Variants in PLA2G4F observed in about 807,000 individuals in gnomAD.
The protein encoded by PLA2G4F is cytosolic phospholipase A2 zeta.
In PLA2G4F, 105 loss-of-function variants were observed where a neutral mutation model predicts 103.1. The observed-to-expected ratio is 1.02, with a 90% CI of 0.87 to 1.20. The LOEUF (loss-of-function observed/expected upper bound fraction) is 1.20, where lower values mean the gene tolerates loss of function less well. Ranked by LOEUF, PLA2G4F falls within the 50% of genes most tolerant of loss-of-function variation. The probability of loss-of-function intolerance (pLI) is 0.00; values close to 1 mark genes in which losing one functional copy is unlikely to be tolerated. For synonymous variants in PLA2G4F, 468 were observed against 441.1 expected (o/e 1.06, Z -0.76); for missense variants, 1,155 against 1,075.9 (o/e 1.07, Z -1.03).
intron 11 of PLA2G4F, 110 bp from the exon 12 acceptor site, chr15:42,147,872 T>G: frequency 2.1e-6 from 3 of 1,456,868 alleles, no homozygotes; most frequent in Admixed American, 2.1e-5. Flanking sequence ...ATTATCTCAT[T>G]GAATCCTCAC....
At chr15:42,149,054 C>A in intron 11 of PLA2G4F, 1 of 985,360 alleles carries the variant, frequency 1.0e-6, no homozygotes, top group South Asian at 4.7e-5. Context: ...TCTCTCAGCA[C>A]GCCTTTCCTC....
At chr15:42,155,050 A>G (rs953583730) in intron 2 of PLA2G4F, among the ~76,000 whole-genome samples, 3 of 151,862 alleles carry the variant, frequency 2.0e-5, no homozygotes. Flanking sequence ...ACTGGCACTC[A>G]CTGTCATGTA....
intron 19 of PLA2G4F, 101 bp from the exon 20 acceptor site, chr15:42,142,305 C>G: frequency 8.1e-7 from 1 of 1,238,814 alleles, no homozygotes; most frequent in South Asian, 1.5e-5. Context: ...CTGGCTGGCT[C>G]CCTGCGGGCC....
intron 18 of PLA2G4F, among the ~76,000 whole-genome samples, 193 bp from the exon 19 acceptor site, chr15:42,142,907 A>G (rs1360753111): frequency 6.6e-6 from 1 of 152,040 alleles, no homozygotes. Flanking sequence ...CCGGCCGGGC[A>G]TGGTGGCTCA....
Position 42,144,599 on chromosome 15 carries a change from G to C in PLA2G4F, c.1826C>G (p.Thr609Arg), listed in dbSNP as rs141500061. 6.2e-7 allele frequency: 1 copy of C among 1,611,914 alleles called. No homozygotes were observed. The change falls in exon 17 of 20, where the codon ACG becomes AGG. Residue 609 changes from threonine (T) to arginine (R), a missense_variant. This residue lies in a region of PLA2G4F where 782 missense variants were observed against 692.9 expected (regional missense o/e 1.13). Coordinates refer to ENST00000397272, the MANE Select transcript of PLA2G4F (RefSeq NM_213600.4). ...PQLHNPSRLR[T>R]RLLTPQGPFS... ...GGGCCCCTGTGGGGTGAGGAGCCTC[G>C]TTCGCAGCCTCGAGGGGTTGTGCAG...
intron 11 of PLA2G4F, chr15:42,148,841 C>T (rs527562661): frequency 3.5e-4 from 341 of 985,398 alleles, no homozygotes; most frequent in South Asian, 3.3e-3. Flanking sequence ...TGAAAAAATG[C>T]TCCCTGGCCA....
chr15:42,145,941 C>A, intron 14 of PLA2G4F, 38 bp from the exon 15 acceptor site: 1 of 1,608,626 alleles, frequency 6.2e-7, no homozygotes, highest in Non-Finnish European at 8.5e-7. Context: ...CCAGGGGCTT[C>A]CCACCACGGT....
chr15:42,145,617 G>A lies in PLA2G4F; in HGVS notation c.1738C>T (p.Leu580Phe). Residue 580 changes from leucine to phenylalanine, a missense_variant, in exon 16 of 20, where the codon CTC becomes TTC. Leu to Phe is a conservative substitution (Grantham distance 22). Transcript: ENST00000397272. ...CCTCTGTACCACTCCAGGAAGCTGAGGCCCGAGCCGGCGGTCTTTAGGAAG... is the reference window on the plus strand; with the variant it reads ...CCTCTGTACCACTCCAGGAAGCTGAAGCCCGAGCCGGCGGTCTTTAGGAAG... Reference protein sequence around the residue: ...EIFLKTAGSGLSFLEWYRGSV... With the variant: ...EIFLKTAGSGFSFLEWYRGSV... 1 of 1,614,132 alleles carries A rather than the reference G, an allele frequency of 6.2e-7. No homozygotes were observed. The highest frequency in any genetic ancestry group is 8.5e-7 in the Non-Finnish European group (1 of 1,180,024).
At chr15:42,144,235 CT>C (rs2048855990) in intron 17 of PLA2G4F, 91 bp from the exon 18 acceptor site, 1 of 1,467,552 alleles carries the variant, frequency 6.8e-7, no homozygotes, top group Non-Finnish European at 9.2e-7. Flanking sequence ...TGCCTTCTCT[CT>C]GTAGAGTTCT....
rs762569919 is a variant in PLA2G4F, at chr15:42,141,369, C to A, written c.*615G>T. The A allele has an allele frequency of 2.2e-6, 1 of 456,656 alleles. No individual in the cohort carries two copies. Among genetic ancestry groups the A allele is most frequent in the Admixed American group, 2.3e-5 (1 of 42,578 alleles). 28.3% of individuals were successfully genotyped at this position (456,656 alleles called of 1,614,324 possible). On this transcript the variant is annotated 3_prime_UTR_variant, in exon 20 of 20. Coordinates refer to ENST00000397272, the MANE Select transcript of PLA2G4F (RefSeq NM_213600.4). ...GGACATCACCCCACAGGCTTTAGGGCGCTGGGAAGAGAAGGGTGATCTGGG... is the reference window on the plus strand; with the variant it reads ...GGACATCACCCCACAGGCTTTAGGGAGCTGGGAAGAGAAGGGTGATCTGGG...
Position 42,139,931 on chromosome 15 carries a change from C to A in PLA2G4F, c.*2053G>T, listed in dbSNP as rs2048814333. 6.6e-6 allele frequency: 1 copy of A among 152,322 alleles called. No homozygotes were observed. Among genetic ancestry groups the A allele is most frequent in the African/African-American group, 2.4e-5 (1 of 41,472 alleles). The allele number at this position is 152,322 out of a possible 1,614,324, so 9.4% of individuals were successfully genotyped here. On this transcript the variant is annotated 3_prime_UTR_variant, in exon 20 of 20. Coordinates refer to ENST00000397272, the MANE Select transcript of PLA2G4F (RefSeq NM_213600.4). ...TGCACAAGCCCACGTTTGCCTCCTTCACAAGCCTTGCTGGCCTGCGGGGAC... is the reference window on the plus strand; with the variant it reads ...TGCACAAGCCCACGTTTGCCTCCTTAACAAGCCTTGCTGGCCTGCGGGGAC...
intron 5 of PLA2G4F, 138 bp downstream of exon 5, chr15:42,153,482 G>T (rs2048980269): frequency 2.7e-6 from 4 of 1,457,898 alleles, no homozygotes; most frequent in Non-Finnish European, 1.9e-6. Context: ...CGCCCAACAT[G>T]CAGATGGGTG....
In PLA2G4F at chr15:42,146,299, G is replaced by A. The variant is rs369832096; in HGVS notation, c.1420-58C>T. 5.2e-5 allele frequency: 78 copies of A among 1,510,844 alleles called. 1 individual carries two copies. Among genetic ancestry groups the A allele is most frequent in the Middle Eastern group, 3.4e-4 (2 of 5,818 alleles). 93.6% of individuals were successfully genotyped at this position (1,510,844 alleles called of 1,614,324 possible). On this transcript the variant is annotated intron_variant, in intron 13 of 19. Transcript: ENST00000397272. Reference sequence around the variant, plus strand: ...TTCAGGAGTTCCATTCCCCATCCCCGTGGCCTGGGGCCGGCACCCTGCAAG... The same window carrying A: ...TTCAGGAGTTCCATTCCCCATCCCCATGGCCTGGGGCCGGCACCCTGCAAG...
chr15:42,156,199 C>T (rs150369359), intron 1 of PLA2G4F, among the ~76,000 whole-genome samples: 13 of 152,312 alleles, frequency 8.5e-5, no homozygotes, highest in Non-Finnish European at 1.6e-4. Flanking sequence ...GCTCGCGCAT[C>T]CTTGGTGAAA....
At chr15:42,146,408 C>T (rs2048885720) in intron 13 of PLA2G4F, among the ~76,000 whole-genome samples, 167 bp from the exon 14 acceptor site, 1 of 152,216 alleles carries the variant, frequency 6.6e-6, no homozygotes, top group South Asian at 2.1e-4. Context: ...CTTCAGGCCG[C>T]AGCCAAGGGG....
rs1202302472 is a variant in PLA2G4F, at chr15:42,142,145, C to T, written c.2389G>A (p.Asp797Asn). 1.9e-6 allele frequency: 3 copies of T among 1,614,074 alleles called. No homozygotes were observed. The highest frequency in any genetic ancestry group is 2.7e-5 in the African/African-American group (2 of 74,924). ...AAGTTCATCATGCCATAGGGGGTGTCTGGCCTGTTGATGACAAAGTCCCCA... is the reference window on the plus strand; with the variant it reads ...AAGTTCATCATGCCATAGGGGGTGTTTGGCCTGTTGATGACAAAGTCCCCA... ...AFGDFVINRP[D>N]TPYGMMNFTY... The change falls in exon 20 of 20, where the codon GAC (aspartate) becomes AAC (asparagine). Residue 797 changes from aspartate (D) to asparagine (N), a missense_variant. By Grantham distance (23) the Asp-to-Asn change is conservative. Coordinates refer to ENST00000397272, the MANE Select transcript of PLA2G4F (RefSeq NM_213600.4).
chr15:42,143,450 G>A (rs1428248540), intron 18 of PLA2G4F, among the ~76,000 whole-genome samples: 1 of 152,132 alleles, frequency 6.6e-6, no homozygotes, highest in Non-Finnish European at 1.5e-5. Flanking sequence ...GGCTCTCACT[G>A]GACCCAGGAC....
chr15:42,149,016 A>C, intron 11 of PLA2G4F: 1 of 985,356 alleles, frequency 1.0e-6, no homozygotes. Flanking sequence ...GGAAGCCGGC[A>C]GCCTATTCCT....
In PLA2G4F at chr15:42,144,601, TCG is replaced by T; in HGVS notation, c.1822_1823del (p.Arg608AsnfsTer29). The T allele has an allele frequency of 1.2e-6, 2 of 1,611,508 alleles. No individual in the cohort carries two copies. The highest frequency in any genetic ancestry group is 1.7e-6 in the Non-Finnish European group (2 of 1,178,518). ...GCCCCTGTGGGGTGAGGAGCCTCGTTCGCAGCCTCGAGGGGTTGTGCAGCTGA... is the reference window on the plus strand; with the variant it reads ...GCCCCTGTGGGGTGAGGAGCCTCGTTCAGCCTCGAGGGGTTGTGCAGCTGA... Reference protein sequence around the residue: ...KPQLHNPSRLRTRLLTPQGPF... With the variant: ...KPQLHNPSRLXTRLLTPQGPF... On this transcript the variant is annotated frameshift_variant, in exon 17 of 20. Transcript: ENST00000397272. LOFTEE classifies it high-confidence loss of function.
Sources: allele counts gnomAD v4.1 joint callset (sites outside exome capture counted in the v4.1 genomes callset), GRCh38; gene constraint gnomAD v4.1.1; regional missense constraint gnomAD v4.1.1; transcripts MANE v1.5; gene names NCBI Gene and HGNC (gene_info 2026-07-23, HGNC 2026-07-21).